The following CHRM3 variants were observed in gnomAD, a reference collection of about 807,000 sequenced individuals.
CHRM3 encodes cholinergic receptor muscarinic 3, also known as muscarinic acetylcholine receptor M3.
A neutral mutation model predicts 41.8 loss-of-function variants in CHRM3; 11 were observed. The observed-to-expected ratio is 0.26, with a 90% CI of 0.17 to 0.44. The LOEUF (loss-of-function observed/expected upper bound fraction) is 0.44, where lower values mean the gene tolerates loss of function less well. Among genes scored for constraint, CHRM3 ranks in the 20% least tolerant of loss-of-function variants. The pLI is 1.00. For synonymous variants in CHRM3, 297 were observed against 301.4 expected (o/e 0.99, Z 0.15); for missense variants, 571 against 745.4 (o/e 0.77, Z 2.72).
intron 2 of CHRM3, among the ~76,000 whole-genome samples, chr1:239,527,049 G>C (rs1670042445): frequency 6.6e-6 from 1 of 152,116 alleles, no homozygotes; most frequent in Non-Finnish European, 1.5e-5. Context: ...CTTGAGCTGG[G>C]AGGAGGTCAG....
intron 4 of CHRM3, among the ~76,000 whole-genome samples, chr1:239,672,624 A>C (rs1674492897): frequency 6.6e-6 from 1 of 151,588 alleles, no homozygotes; most frequent in Admixed American, 6.6e-5. Flanking sequence ...ACACACACAC[A>C]CACACAGAAA....
chr1:239,654,515 C>T (rs935996021), intron 4 of CHRM3, among the ~76,000 whole-genome samples: 1 of 152,228 alleles, frequency 6.6e-6, no homozygotes, highest in African/African-American at 2.4e-5. Flanking sequence ...TCTTCTGCCT[C>T]AGCCTCCCGA....
intron 5 of CHRM3, among the ~76,000 whole-genome samples, chr1:239,766,710 T>TATAGATATAGATATAGATATAG (rs1177977195): frequency 1.3e-5 from 2 of 151,542 alleles, no homozygotes; most frequent in African/African-American, 4.9e-5. Flanking sequence ...TAGATATAGA[T>TATAGATATAGATATAGATATAG]ATAGATATAA....
intron 5 of CHRM3, among the ~76,000 whole-genome samples, chr1:239,781,792 CTCT>C (rs1176736767): frequency 1.3e-5 from 2 of 152,044 alleles, no homozygotes; most frequent in African/African-American, 4.8e-5. Context: ...ATATTTCCCT[CTCT>C]TCTTTGTTTA....
intron 2 of CHRM3, among the ~76,000 whole-genome samples, chr1:239,495,699 T>A (rs1307577708): frequency 1.3e-5 from 2 of 152,118 alleles, no homozygotes; most frequent in Non-Finnish European, 2.9e-5. Context: ...CCTTATAGAA[T>A]GGGGATGGTA....
At chr1:239,853,435 G>A (rs1674859275) in intron 6 of CHRM3, among the ~76,000 whole-genome samples, 1 of 151,506 alleles carries the variant, frequency 6.6e-6, no homozygotes, top group Non-Finnish European at 1.5e-5. Flanking sequence ...CAGTGATTTG[G>A]AAAATGCAAT....
intron 5 of CHRM3, among the ~76,000 whole-genome samples, chr1:239,700,489 A>G (rs963332292): frequency 1.3e-5 from 2 of 152,174 alleles, no homozygotes; most frequent in African/African-American, 2.4e-5. Flanking sequence ...CTCTGACAGG[A>G]TCATGAAGAA....
chr1:239,475,203 T>C (rs1198171738), intron 1 of CHRM3, among the ~76,000 whole-genome samples: 2 of 152,128 alleles, frequency 1.3e-5, no homozygotes, highest in South Asian at 2.1e-4. Flanking sequence ...AAACCATCCA[T>C]GTTGTATGTG....
chr1:239,752,293 A>C (rs549818858), intron 5 of CHRM3, among the ~76,000 whole-genome samples: 1 of 152,164 alleles, frequency 6.6e-6, no homozygotes, highest in Non-Finnish European at 1.5e-5. Context: ...TGGGAAAAAG[A>C]CTGTAGTTAG....
At chr1:239,697,458 C>T (rs1204314605) in intron 5 of CHRM3, among the ~76,000 whole-genome samples, 2 of 152,086 alleles carry the variant, frequency 1.3e-5, no homozygotes, top group Non-Finnish European at 2.9e-5. Context: ...CAATGTCATA[C>T]AGTAAACTAC....
chr1:239,486,224 A>G (rs941775794), intron 1 of CHRM3, among the ~76,000 whole-genome samples: 1 of 152,342 alleles, frequency 6.6e-6, no homozygotes, highest in African/African-American at 2.4e-5. Flanking sequence ...CAATATCTAT[A>G]AATCTCTCTT....
chr1:239,813,870 TCCCGC>T (rs1671335534), intron 5 of CHRM3, among the ~76,000 whole-genome samples: 1 of 125,576 alleles, frequency 8.0e-6, no homozygotes, highest in Admixed American at 8.8e-5. Flanking sequence ...TGAGCCGAGA[TCCCGC>T]CACTGCACTC....
intron 1 of CHRM3, among the ~76,000 whole-genome samples, chr1:239,404,400 GAAAGAAAGAA>G (rs1558195462): frequency 0.02 from 1,156 of 58,450 alleles, 13 homozygotes; most frequent in Non-Finnish European, 0.026. Flanking sequence ...AAGAAAGAAA[GAAAGAAAGAA>G]AAAGAAAGAA....
rs1201831771 is a variant in CHRM3 at position 239,911,347 on chromosome 1, T to C, written c.*2123T>C. On this transcript the variant is annotated 3_prime_UTR_variant, in exon 7 of 7. Coordinates refer to ENST00000676153, the MANE Select transcript of CHRM3 (RefSeq NM_001375978.1). ...GAAAGAAACAGACGATTTTCTAATATGTACACAGCAAACTACAGAATGTCA... is the reference window on the plus strand; with the variant it reads ...GAAAGAAACAGACGATTTTCTAATACGTACACAGCAAACTACAGAATGTCA... The C allele has an allele frequency of 2.4e-5, 4 of 167,074 alleles. No individual in the cohort carries two copies. The East Asian group carries it at 5.8e-4, about 24-fold the overall frequency. The allele number at this position is 167,074 out of a possible 1,614,324, so 10.3% of individuals were successfully genotyped here.
intron 2 of CHRM3, among the ~76,000 whole-genome samples, chr1:239,526,057 A>T (rs1301221348): frequency 6.6e-6 from 1 of 152,062 alleles, no homozygotes; most frequent in African/African-American, 2.4e-5. Flanking sequence ...GTGTGATGGG[A>T]GATTGGAAGG....
At chr1:239,692,215 C>T (rs1452019454) in intron 5 of CHRM3, among the ~76,000 whole-genome samples, 2 of 152,276 alleles carry the variant, frequency 1.3e-5, no homozygotes, top group African/African-American at 2.4e-5. Flanking sequence ...CATGATGATA[C>T]ACCTCATCTT....
At chr1:239,854,327 T>C (rs1242385308) in intron 6 of CHRM3, among the ~76,000 whole-genome samples, 1 of 152,088 alleles carries the variant, frequency 6.6e-6, no homozygotes, top group African/African-American at 2.4e-5. Flanking sequence ...AAAATACCTA[T>C]TGAGCTCCTT....
chr1:239,810,501 C>T (rs756965388), intron 5 of CHRM3, among the ~76,000 whole-genome samples: 3 of 152,144 alleles, frequency 2.0e-5, no homozygotes, highest in Non-Finnish European at 4.4e-5. Context: ...GGGGAACAAG[C>T]CTGGAGGACT....
chr1:239,627,018 C>G (rs1393745197), intron 3 of CHRM3, among the ~76,000 whole-genome samples: 2 of 131,556 alleles, frequency 1.5e-5, no homozygotes, highest in African/African-American at 5.7e-5. Flanking sequence ...TCTATTAGGT[C>G]TGCTTGGTGC....
Sources: gnomAD v4.1 joint callset for allele counts (sites outside exome capture counted in the v4.1 genomes callset) on GRCh38, gnomAD v4.1.1 for gene constraint, MANE v1.5 for transcripts, NCBI Gene and HGNC (gene_info 2026-07-23, HGNC 2026-07-21) for gene names.